Variants in FBLN1 observed in about 807,000 individuals in gnomAD.
FBLN1 encodes fibulin 1.
FBLN1 carries 34 observed loss-of-function variants against 89.7 expected under a neutral mutation model. The ratio of observed to expected loss-of-function variants is 0.38; its 90% confidence interval spans 0.29 to 0.50. The LOEUF (loss-of-function observed/expected upper bound fraction) is 0.50, where lower values mean the gene tolerates loss of function less well. Among genes scored for constraint, FBLN1 ranks in the 20% least tolerant of loss-of-function variants. The pLI is 0.92. For missense variants in FBLN1, 777 were observed against 988.1 expected, an observed-to-expected ratio of 0.79 and a Z score of 2.86; for synonymous variants, 393 against 391.3, an observed-to-expected ratio of 1.00 and a Z score of -0.05.
intron 1 of FBLN1, among the ~76,000 whole-genome samples, chr22:45,506,214 C>T (rs1054682700): frequency 6.6e-6 from 1 of 152,240 alleles, no homozygotes; most frequent in Admixed American, 6.5e-5. Flanking sequence ...GCGGGAAGAG[C>T]GCAATTCTGC....
chr22:45,516,005 T>C (rs938119311), intron 1 of FBLN1, among the ~76,000 whole-genome samples: 3 of 152,046 alleles, frequency 2.0e-5, no homozygotes, highest in African/African-American at 7.2e-5. Context: ...CTCAAGACAT[T>C]TGTGGCTATG....
In FBLN1 at chr22:45,550,206, T is replaced by C. The variant is rs1393381632; in HGVS notation, c.1574-286T>C. On this transcript the variant is annotated intron_variant, in intron 13 of 16. Coordinates refer to ENST00000327858, the MANE Select transcript of FBLN1 (RefSeq NM_006486.3). The surrounding 1 kb of genome is among the most constrained non-coding windows in gnomAD (Gnocchi z 8.4). ...GTTCTTAGGAGGATTCAGTGACTTATCCTTGCGAGGTACTCCCAGGACCCA... is the reference window on the plus strand; with the variant it reads ...GTTCTTAGGAGGATTCAGTGACTTACCCTTGCGAGGTACTCCCAGGACCCA... Among the ~76,000 whole-genome samples, 1 of 152,218 alleles carries C rather than the reference T, an allele frequency of 6.6e-6. No individual in the cohort carries two copies.
intron 10 of FBLN1, among the ~76,000 whole-genome samples, chr22:45,542,540 C>T (rs1440651206): frequency 6.6e-6 from 1 of 152,156 alleles, no homozygotes; most frequent in Non-Finnish European, 1.5e-5. Context: ...CTGCTTGACC[C>T]AGGACCTCCA....
At position 45,542,184 on chromosome 22, in the gene FBLN1, C is replaced by T. The variant is rs1380071981; in HGVS notation, c.1096C>T (p.Pro366Ser). ...GGACGAGTGCGCGCCACCTGCTGAG[C>T]CCTGTGGGAAGGGACATCGCTGCGT... is the stretch of plus-strand genomic sequence containing the variant. ...DVDECAPPAE[P>S]CGKGHRCVNS... is the part of the protein sequence containing the mutation. Residue 366 changes from proline to serine, a missense_variant, in exon 10 of 17, where the codon CCC becomes TCC. Coordinates refer to ENST00000327858, the MANE Select transcript of FBLN1 (RefSeq NM_006486.3). 5.0e-6 allele frequency: 8 copies of T among 1,614,086 alleles called. No homozygotes were observed. The highest frequency in any genetic ancestry group is 6.8e-6 in the Non-Finnish European group (8 of 1,180,056).
intron 9 of FBLN1, among the ~76,000 whole-genome samples, chr22:45,541,765 T>G (rs1374216479): frequency 6.6e-6 from 1 of 152,236 alleles, no homozygotes; most frequent in Non-Finnish European, 1.5e-5. Flanking sequence ...TTCCTCTCTG[T>G]GTGGGTGTTT....
chr22:45,507,478 C>T (rs1035035643), intron 1 of FBLN1, among the ~76,000 whole-genome samples: 5 of 152,158 alleles, frequency 3.3e-5, no homozygotes, highest in African/African-American at 1.2e-4. Context: ...GTCGTCATCT[C>T]AGCAGCCCTA....
chr22:45,590,156 C>T lies in FBLN1; in HGVS notation c.1973-10151C>T, dbSNP rs2089123769. On this transcript the variant is annotated intron_variant, in intron 16 of 16. Coordinates refer to ENST00000327858, the MANE Select transcript of FBLN1 (RefSeq NM_006486.3). The surrounding 1 kb of genome is among the most constrained non-coding windows in gnomAD (Gnocchi z 4.1). The stretch of plus-strand genomic sequence containing the variant: ...CAGATAGAGAAGAGAGGGCTCTGCT[C>T]TGACCTGCAGGCCTGGGGCTCAGGA... Among the ~76,000 whole-genome samples the T allele has an allele frequency of 6.6e-6, 1 of 152,236 alleles. No homozygotes were observed. The highest frequency in any genetic ancestry group is 1.5e-5 in the Non-Finnish European group (1 of 68,032).
At chr22:45,585,540 G>A (rs772857665) in intron 16 of FBLN1, among the ~76,000 whole-genome samples, 1 of 152,232 alleles carries the variant, frequency 6.6e-6, no homozygotes, top group Non-Finnish European at 1.5e-5. Flanking sequence ...GCCCTGTCCT[G>A]GCTTTCACGG....
intron 14 of FBLN1, chr22:45,558,693 T>G (rs2088818722): frequency 6.6e-6 from 1 of 152,428 alleles, no homozygotes; most frequent in Non-Finnish European, 1.5e-5. Context: ...ATGTGTTGCC[T>G]CCAAAATCCA....
chr22:45,592,034 G>GAAGTGTCCTGCGCGCCATTTTGC (rs1241269380), intron 16 of FBLN1, among the ~76,000 whole-genome samples: 1 of 152,210 alleles, frequency 6.6e-6, no homozygotes, highest in African/African-American at 2.4e-5. Flanking sequence ...CAGGAGGAAG[G>GAAGTGTCCTGCGCGCCATTTTGC]AGATGTAGTG....
In FBLN1 at chr22:45,572,863, C is replaced by T. The variant is rs2088962460; in HGVS notation, c.1698-1648C>T. 6.6e-6 allele frequency among the ~76,000 whole-genome samples: 1 copy of T among 152,244 alleles called. No homozygotes were observed. Among genetic ancestry groups the T allele is most frequent in the African/African-American group, 2.4e-5 (1 of 41,470 alleles). ...CTGAACTGCACCGTGAGGATGCAAT[C>T]AGCAAAGTCCAGCCTGTAGGAAACA... is the stretch of plus-strand genomic sequence containing the variant. On this transcript the variant is annotated intron_variant, in intron 14 of 16. Transcript: ENST00000327858. The surrounding 1 kb of genome is among the most constrained non-coding windows in gnomAD (Gnocchi z 5.8).
Position 45,562,814 on chromosome 22 carries a change from C to A in FBLN1, c.1698-11697C>A. The stretch of plus-strand genomic sequence containing the variant: ...AATCGGCCAGAGGGGCGGCGGGAGG[C>A]CCCGCCTGCCAGCCCCGCATCCCCG... On this transcript the variant is annotated intron_variant, in intron 14 of 16. Coordinates refer to ENST00000327858, the MANE Select transcript of FBLN1 (RefSeq NM_006486.3). The surrounding 1 kb of genome is among the most constrained non-coding windows in gnomAD (Gnocchi z 7.8). 2.5e-6 allele frequency: 3 copies of A among 1,204,162 alleles called. No individual in the cohort carries two copies. Among genetic ancestry groups the A allele is most frequent in the Non-Finnish European group, 3.7e-6 (3 of 819,992 alleles). 74.6% of individuals were successfully genotyped at this position (1,204,162 alleles called of 1,614,324 possible).
At chr22:45,554,793 A>G (rs148735215) in intron 14 of FBLN1, among the ~76,000 whole-genome samples, 178 of 152,320 alleles carry the variant, frequency 1.2e-3, no homozygotes, top group African/African-American at 3.9e-3. Context: ...TCAGGCAGCC[A>G]CCTTCAGAGT....
chr22:45,509,924 C>CCTGTGT (rs1340483080), intron 1 of FBLN1, among the ~76,000 whole-genome samples: 1 of 151,948 alleles, frequency 6.6e-6, no homozygotes, highest in Non-Finnish European at 1.5e-5. Flanking sequence ...GTGGTGAGTC[C>CCTGTGT]GGGAGGCACA....
Position 45,503,054 on chromosome 22 carries a change from G to T in FBLN1, c.69G>T (p.Leu23=), listed in dbSNP as rs1162856416. 1.6e-6 allele frequency: 2 copies of T among 1,247,678 alleles called. No individual in the cohort carries two copies. The highest frequency in any genetic ancestry group is 2.0e-6 in the Non-Finnish European group (2 of 996,280). 77.3% of individuals were successfully genotyped at this position (1,247,678 alleles called of 1,614,324 possible). The change falls in exon 1 of 17, where the codon CTG becomes CTT. Residue 23 remains leucine (L), a synonymous_variant. Transcript: ENST00000327858. ...PLLLLGGLAL[L]AAGVDADVLL... ...TGCTGCTCGGCGGCCTTGCGCTGCT[G>T]GCGGCCGGAGGTAGGGGCGTCCCGG...
At position 45,549,335 on chromosome 22, in the gene FBLN1, G is replaced by C. The variant is rs909306264; in HGVS notation, c.1573+591G>C. 1.3e-5 allele frequency among the ~76,000 whole-genome samples: 2 copies of C among 152,208 alleles called. No homozygotes were observed. Among genetic ancestry groups the C allele is most frequent in the Non-Finnish European group, 1.5e-5 (1 of 68,030 alleles). On this transcript the variant is annotated intron_variant, in intron 13 of 16. Coordinates refer to ENST00000327858, the MANE Select transcript of FBLN1 (RefSeq NM_006486.3). The surrounding 1 kb of genome is among the most constrained non-coding windows in gnomAD (Gnocchi z 5.7). ...GCGTGATCCTCAGTGTACACACTGC[G>C]CCCAGAAGCTGAGTCATGGAGGTGG... is the stretch of plus-strand genomic sequence containing the variant.
Position 45,557,989 on chromosome 22 carries a change from C to T in FBLN1, c.1697+7374C>T, listed in dbSNP as rs573049674. On this transcript the variant is annotated intron_variant, in intron 14 of 16. Transcript: ENST00000327858. The surrounding 1 kb of genome is among the most constrained non-coding windows in gnomAD (Gnocchi z 4.9). Reference sequence around the variant, plus strand: ...GTCCTAGAAAGGGGCAGTAGTGCTGCAGCTGTCCACTTTCGGGTGGTGCCT... The same window carrying T: ...GTCCTAGAAAGGGGCAGTAGTGCTGTAGCTGTCCACTTTCGGGTGGTGCCT... 1 of 708,870 alleles carries T rather than the reference C, an allele frequency of 1.4e-6. No homozygotes were observed. Among genetic ancestry groups the T allele is most frequent in the South Asian group, 1.5e-5 (1 of 67,210 alleles). 43.9% of individuals were successfully genotyped at this position (708,870 alleles called of 1,614,324 possible).
In FBLN1 at chr22:45,600,327, C is replaced by G. The variant is rs372583917; in HGVS notation, c.1993C>G (p.Pro665Ala). The change falls in exon 17 of 17, where the codon CCC (proline) becomes GCC (alanine). Residue 665 changes from proline (P) to alanine (A), a missense_variant. Pro to Ala is a conservative substitution (Grantham distance 27). Coordinates refer to ENST00000327858, the MANE Select transcript of FBLN1 (RefSeq NM_006486.3). The stretch of plus-strand genomic sequence containing the variant: ...CGCAGGTGTCGTGCGCCAGGTGCGG[C>G]CCATCGTGGGCCCATTTCATGCCGT... ...MTVGVVRQVR[P>A]IVGPFHAVLK... The G allele has an allele frequency of 6.2e-7, 1 of 1,614,200 alleles. No homozygotes were observed. Among genetic ancestry groups the G allele is most frequent in the Admixed American group, 1.7e-5 (1 of 60,034 alleles).
At position 45,550,491 on chromosome 22, in the gene FBLN1, G is replaced by C. The variant is rs202133124; in HGVS notation, c.1574-1G>C. On this transcript the variant is annotated splice_acceptor_variant, in intron 13 of 16. Coordinates refer to ENST00000327858, the MANE Select transcript of FBLN1 (RefSeq NM_006486.3). LOFTEE classifies it high-confidence loss of function. This position sits in a 1 kb window ranked among gnomAD's most constrained non-coding sequence, Gnocchi z 8.4. ...CTGTGCTGCTGTGGGGTCTCTTGCA[G>C]ACATTGATGAGTGTGTGACTGGCAT... 6.2e-7 allele frequency: 1 copy of C among 1,614,008 alleles called. No individual in the cohort carries two copies. The highest frequency in any genetic ancestry group is 8.5e-7 in the Non-Finnish European group (1 of 1,180,032).
Sources: gnomAD v4.1 joint callset for allele counts (sites outside exome capture counted in the v4.1 genomes callset) on GRCh38, gnomAD v4.1.1 for gene constraint, Gnocchi (gnomAD v3.1) non-coding constraint, MANE v1.5 for transcripts, NCBI Gene and HGNC (gene_info 2026-07-23, HGNC 2026-07-21) for gene names.